NEDD9: variants seen among roughly 807,000 people sequenced by gnomAD.
NEDD9 encodes neural precursor cell expressed, developmentally down-regulated 9.
NEDD9 carries 26 observed loss-of-function variants against 76.6 expected under a neutral mutation model. The observed-to-expected ratio is 0.34, with a 90% confidence interval of 0.25 to 0.47. The LOEUF (loss-of-function observed/expected upper bound fraction) is 0.47. Among genes scored for constraint, NEDD9 ranks in the 20% least tolerant of loss-of-function variants. The probability of loss-of-function intolerance (pLI) is 1.00; values close to 1 mark genes in which losing one functional copy is unlikely to be tolerated. For missense variants in NEDD9, 937 were observed against 1,058.5 expected (o/e 0.89, Z 1.59); for synonymous variants, 392 against 414.2 (o/e 0.95, Z 0.65).
intron 2 of NEDD9, among the ~76,000 whole-genome samples, chr6:11,331,440 G>A (rs1348264931): frequency 6.6e-6 from 1 of 152,068 alleles, no homozygotes; most frequent in Non-Finnish European, 1.5e-5. Flanking sequence ...GTAAAAGGAA[G>A]TATTATATAA....
intron 2 of NEDD9, among the ~76,000 whole-genome samples, chr6:11,333,076 GAGGGAGGGA>G: frequency 2.1e-5 from 3 of 143,590 alleles, no homozygotes; most frequent in Admixed American, 7.0e-5. Flanking sequence ...GGGAGGGAGG[GAGGGAGGGA>G]GGGAAGGAAG....
At chr6:11,365,334 C>T (rs1385143848) in intron 1 of NEDD9, among the ~76,000 whole-genome samples, 1 of 152,092 alleles carries the variant, frequency 6.6e-6, no homozygotes, top group Non-Finnish European at 1.5e-5. Context: ...TATAATAAGT[C>T]ATAGCTTAGT....
At position 11,185,572 on chromosome 6, in the gene NEDD9, C is replaced by T. The variant is rs1254983338; in HGVS notation, c.2095G>A (p.Gly699Ser). Residue 699 changes from glycine to serine, a missense_variant, in exon 7 of 7, where the codon GGC (glycine) becomes AGC (serine). Physicochemically the swap from Gly to Ser is moderately conservative, Grantham distance 56. Transcript: ENST00000379446. ...AACTGCCGATCCTGAGCACTCACGCCACTGTTTGTGGTGGGTAGGCTCTGA... is the reference window on the plus strand; with the variant it reads ...AACTGCCGATCCTGAGCACTCACGCTACTGTTTGTGGTGGGTAGGCTCTGA... ...PSQSLPTTNS[G>S]VSAQDRQLLC... The T allele has an allele frequency of 6.2e-6, 10 of 1,614,220 alleles. No homozygotes were observed. Among genetic ancestry groups the T allele is most frequent in the Non-Finnish European group, 8.5e-6 (10 of 1,180,036 alleles).
chr6:11,354,908 C>A (rs1282096191), intron 1 of NEDD9, among the ~76,000 whole-genome samples: 1 of 152,194 alleles, frequency 6.6e-6, no homozygotes, highest in Non-Finnish European at 1.5e-5. Flanking sequence ...TGTGGAGCTG[C>A]ATGTGACCAT....
chr6:11,292,009 G>T (rs1434850334), intron 3 of NEDD9, among the ~76,000 whole-genome samples: 1 of 152,092 alleles, frequency 6.6e-6, no homozygotes, highest in Non-Finnish European at 1.5e-5. Context: ...TTTTCATCAT[G>T]TAATCAGAGA....
intron 3 of NEDD9, among the ~76,000 whole-genome samples, chr6:11,260,047 T>C (rs1038533922): frequency 6.6e-6 from 1 of 152,132 alleles, no homozygotes; most frequent in African/African-American, 2.4e-5. Context: ...TTCATTCACT[T>C]GGCTTATAGC....
At chr6:11,195,707 C>T (rs1301575640) in intron 2 of NEDD9, among the ~76,000 whole-genome samples, 5 of 152,142 alleles carry the variant, frequency 3.3e-5, no homozygotes, top group South Asian at 2.1e-4. Flanking sequence ...AAAACAGAAG[C>T]GGGCATGTCG....
upstream of NEDD9, among the ~76,000 whole-genome samples, chr6:11,234,316 G>C (rs993263478): frequency 6.6e-6 from 1 of 152,204 alleles, no homozygotes; most frequent in African/African-American, 2.4e-5. Flanking sequence ...CTGGATAAAG[G>C]AGGACAATGA....
intron 3 of NEDD9, among the ~76,000 whole-genome samples, chr6:11,294,597 C>T (rs1760849344): frequency 6.6e-6 from 1 of 152,152 alleles, no homozygotes; most frequent in South Asian, 2.1e-4. Context: ...CCCATCAAAC[C>T]TCTTTTCTTT....
intron 2 of NEDD9, among the ~76,000 whole-genome samples, chr6:11,330,526 G>A (rs1006830954): frequency 6.6e-6 from 1 of 152,160 alleles, no homozygotes; most frequent in African/African-American, 2.4e-5. Flanking sequence ...GGCAACCAGT[G>A]CTTTCTTTCC....
At chr6:11,312,602 T>G (rs952422224) in intron 2 of NEDD9, among the ~76,000 whole-genome samples, 1 of 152,004 alleles carries the variant, frequency 6.6e-6, no homozygotes, top group Admixed American at 6.6e-5. Flanking sequence ...CTCTAAACTT[T>G]TTAGTCAGCT....
intron 3 of NEDD9, among the ~76,000 whole-genome samples, chr6:11,250,760 T>C (rs1759900732): frequency 6.6e-6 from 1 of 152,204 alleles, no homozygotes; most frequent in South Asian, 2.1e-4. Context: ...CTCATTCCTT[T>C]ACACTTGGCC....
chr6:11,343,673 CATGAATGAATGAATAAAGGAATAT>C (rs1271770505), intron 1 of NEDD9, among the ~76,000 whole-genome samples: 8 of 152,158 alleles, frequency 5.3e-5, no homozygotes, highest in Admixed American at 5.2e-4. Flanking sequence ...AATAAATTTA[CATGAATGAATGAATAAAGGAATAT>C]ATGAATGAAT....
At chr6:11,354,856 G>A (rs1445435219) in intron 1 of NEDD9, among the ~76,000 whole-genome samples, 2 of 152,006 alleles carry the variant, frequency 1.3e-5, no homozygotes, top group African/African-American at 4.8e-5. Flanking sequence ...AAGCTACTGG[G>A]GACAAGATGC....
At position 11,370,365 on chromosome 6, in the gene NEDD9, A is replaced by C. The variant is rs1489067857; in HGVS notation, c.-214+11774T>G. Among the ~76,000 whole-genome samples the C allele has an allele frequency of 2.6e-5, 4 of 152,318 alleles. No homozygotes were observed. In the South Asian group the frequency reaches 8.3e-4, roughly 32 times the overall value. On this transcript the variant is annotated intron_variant, in intron 1 of 3. Coordinates refer to the NEDD9 transcript ENST00000397378. The surrounding 1 kb of genome is among the most constrained non-coding windows in gnomAD (Gnocchi z 4.2). ...TTGTTTTTCAATCAGGCTGTTATTCAAATGCTGGAGCGGATCCAAATTTGC... is the reference window on the plus strand; with the variant it reads ...TTGTTTTTCAATCAGGCTGTTATTCCAATGCTGGAGCGGATCCAAATTTGC...
intron 1 of NEDD9, among the ~76,000 whole-genome samples, chr6:11,214,879 T>A (rs1758903805): frequency 6.6e-6 from 1 of 152,224 alleles, no homozygotes; most frequent in African/African-American, 2.4e-5. Context: ...AAGAAAGGAT[T>A]ACGGATTGGA....
chr6:11,348,938 C>T (rs1319112748), intron 1 of NEDD9, among the ~76,000 whole-genome samples: 7 of 152,162 alleles, frequency 4.6e-5, no homozygotes, highest in Admixed American at 4.6e-4. Flanking sequence ...TCTAATTAAA[C>T]TAATGAGCTT....
At chr6:11,187,498 A>T (rs1437766376) in intron 6 of NEDD9, among the ~76,000 whole-genome samples, 4 of 152,170 alleles carry the variant, frequency 2.6e-5, no homozygotes, top group Admixed American at 2.0e-4. Flanking sequence ...GGCAAACCAT[A>T]GGCTTGTGTT....
chr6:11,340,838 C>T (rs1293255598), intron 1 of NEDD9, among the ~76,000 whole-genome samples: 2 of 152,204 alleles, frequency 1.3e-5, no homozygotes, highest in Non-Finnish European at 1.5e-5. Flanking sequence ...CCCAAACTTT[C>T]CAATGACTTT....
Sources: allele counts gnomAD v4.1 joint callset (sites outside exome capture counted in the v4.1 genomes callset), GRCh38; gene constraint gnomAD v4.1.1; non-coding constraint Gnocchi (gnomAD v3.1); transcripts MANE v1.5; gene names NCBI Gene and HGNC (gene_info 2026-07-23, HGNC 2026-07-21).